ZPBP: variants seen among roughly 807,000 people sequenced by gnomAD.
ZPBP encodes the protein zona pellucida-binding protein 1.
In ZPBP, 26 loss-of-function variants were observed where a neutral mutation model predicts 44.8. The observed-to-expected ratio is 0.58, with a 90% CI of 0.43 to 0.81. The LOEUF (loss-of-function observed/expected upper bound fraction) is 0.81. Among genes scored for constraint, ZPBP ranks in the 30% least tolerant of loss-of-function variants. The pLI is 0.00. For synonymous variants in ZPBP, 174 were observed against 153.2 expected, an observed-to-expected ratio of 1.14 and a Z score of -1.00; for missense variants, 409 against 434.0, an observed-to-expected ratio of 0.94 and a Z score of 0.51.
chr7:49,994,436 T>G (rs1378995433), intron 6 of ZPBP, among the ~76,000 whole-genome samples: 2 of 152,190 alleles, frequency 1.3e-5, no homozygotes, highest in African/African-American at 2.4e-5. Context: ...TTACTTGTGC[T>G]TCAAGGTCTG....
chr7:49,914,013 G>A (rs1237531101), intron 1 of ZPBP: 1 of 152,160 alleles, frequency 6.6e-6, no homozygotes, highest in African/African-American at 2.4e-5. Flanking sequence ...TTAGCTAATT[G>A]TTCTCAGGTG....
At chr7:49,988,097 T>A (rs1797396675) in intron 6 of ZPBP, among the ~76,000 whole-genome samples, 2 of 152,214 alleles carry the variant, frequency 1.3e-5, no homozygotes, top group Admixed American at 1.3e-4. Context: ...TATATGGTTT[T>A]TCTGTAAATT....
In ZPBP at chr7:50,031,195, C is replaced by A. The variant is rs368068090; in HGVS notation, c.603G>T (p.Leu201=). ...EKKLLQILSK[L]LLDLSCEISL... ...AAATTTCACATGAAAGGTCAAGAAG[C>A]AGTTTGCTTAAAATCTGAAGAAGTT... The change falls in exon 5 of 8, where the codon CTG becomes CTT. Residue 201 remains leucine, a synonymous_variant. Transcript: ENST00000046087. 2 of 1,613,622 alleles carry A rather than the reference C, an allele frequency of 1.2e-6. No individual in the cohort carries two copies. The highest frequency in any genetic ancestry group is 1.7e-6 in the Non-Finnish European group (2 of 1,179,810).
At chr7:49,932,695 G>A (rs1794487459), downstream of ZPBP, among the ~76,000 whole-genome samples, 1 of 152,170 alleles carries the variant, frequency 6.6e-6, no homozygotes, top group Non-Finnish European at 1.5e-5. Flanking sequence ...GTGAGGACAT[G>A]AGATTTGGGA....
intron 4 of ZPBP, among the ~76,000 whole-genome samples, chr7:50,051,432 A>T (rs1454116417): frequency 6.6e-6 from 1 of 152,118 alleles, no homozygotes; most frequent in East Asian, 1.9e-4. Context: ...CCCATTACTG[A>T]GTATATACCG....
At chr7:49,879,578 C>T (rs909497792) in intron 2 of ZPBP, among the ~76,000 whole-genome samples, 11 of 152,128 alleles carry the variant, frequency 7.2e-5, no homozygotes, top group South Asian at 6.2e-4. Flanking sequence ...AGTTCCAGAA[C>T]GCAGCACTTC....
chr7:49,935,519 C>G (rs551810606), downstream of ZPBP, among the ~76,000 whole-genome samples: 3 of 152,266 alleles, frequency 2.0e-5, no homozygotes, highest in South Asian at 6.2e-4. Context: ...CTGCCTCAGC[C>G]TCCTGAGTAG....
intron 7 of ZPBP, among the ~76,000 whole-genome samples, chr7:49,953,636 A>C (rs996961576): frequency 1.3e-5 from 2 of 152,152 alleles, no homozygotes; most frequent in East Asian, 1.9e-4. Flanking sequence ...GAACATCAAA[A>C]TATCCAGCAC....
chr7:49,904,253 C>T lies in ZPBP; in HGVS notation n.412-3038G>A, dbSNP rs191468039. The stretch of plus-strand genomic sequence containing the variant: ...CTTTTCATTAAAAGAAAAGCTTTAC[C>T]GAGGACTCCCATACCCTCACTATCT... On this transcript the variant is annotated intron_variant and non_coding_transcript_variant, in intron 1 of 2. Coordinates refer to the ZPBP transcript ENST00000465922. 2.7e-3 allele frequency among the ~76,000 whole-genome samples: 407 copies of T among 152,182 alleles called. 2 individuals carry two copies. The highest frequency in any genetic ancestry group is 9.1e-3 in the African/African-American group (377 of 41,512).
chr7:49,974,106 G>A (rs751718627), intron 7 of ZPBP, among the ~76,000 whole-genome samples: 17 of 152,090 alleles, frequency 1.1e-4, no homozygotes, highest in African/African-American at 3.6e-4. Context: ...CATAGAGACC[G>A]AAAATAGAAT....
chr7:49,869,228 A>G (rs1791033966), intron 2 of ZPBP, among the ~76,000 whole-genome samples: 1 of 152,214 alleles, frequency 6.6e-6, no homozygotes, highest in South Asian at 2.1e-4. Flanking sequence ...ATTGACTATA[A>G]TTCCATGAGA....
chr7:49,967,954 G>A (rs1022993594), intron 7 of ZPBP, among the ~76,000 whole-genome samples: 4 of 152,078 alleles, frequency 2.6e-5, no homozygotes, highest in African/African-American at 9.7e-5. Context: ...CCTGAAAAAT[G>A]TATGTTCAAA....
chr7:50,045,000 C>G (rs1800276483), intron 4 of ZPBP, among the ~76,000 whole-genome samples: 1 of 152,192 alleles, frequency 6.6e-6, no homozygotes. Context: ...TCAACATACT[C>G]AAATCAATAA....
At chr7:50,036,573 C>T (rs1454729737) in intron 4 of ZPBP, among the ~76,000 whole-genome samples, 1 of 151,956 alleles carries the variant, frequency 6.6e-6, no homozygotes, top group African/African-American at 2.4e-5. Flanking sequence ...ACACACATAT[C>T]AAAATAAAAA....
At chr7:50,076,492 TATG>T (rs997357650) in intron 3 of ZPBP, among the ~76,000 whole-genome samples, 1 of 151,924 alleles carries the variant, frequency 6.6e-6, no homozygotes, top group African/African-American at 2.4e-5. Context: ...TTGCTGGTGA[TATG>T]ATCTTATATT....
At chr7:49,928,165 T>C (rs1391356017) in intron 1 of ZPBP, among the ~76,000 whole-genome samples, 2 of 152,296 alleles carry the variant, frequency 1.3e-5, no homozygotes, top group East Asian at 3.9e-4. Context: ...ATGACCCTAT[T>C]GGCAAGGAAG....
Position 49,875,482 on chromosome 7 carries a change from T to G in ZPBP, n.510-24968A>C, listed in dbSNP as rs13245999. Among the ~76,000 whole-genome samples the G allele has an allele frequency of 1.4e-3, 215 of 150,844 alleles. 2 individuals carry two copies. The highest frequency in any genetic ancestry group is 2.3e-3 in the East Asian group (12 of 5,162). ...AGGTCAGTTCACTCACAATGTGGAG[T>G]CTCTGTGCTGAGCTGGGGAAGCTGG... On this transcript the variant is annotated intron_variant and non_coding_transcript_variant, in intron 2 of 2. Coordinates refer to the ZPBP transcript ENST00000465922.
At chr7:49,912,219 A>G in intron 1 of ZPBP, 1 of 1,611,956 alleles carries the variant, frequency 6.2e-7, no homozygotes, top group Non-Finnish European at 8.5e-7. Context: ...GACTTTTTCT[A>G]GAACATTTTA....
At chr7:49,911,123 G>T (rs917210483) in intron 1 of ZPBP, among the ~76,000 whole-genome samples, 3 of 152,076 alleles carry the variant, frequency 2.0e-5, no homozygotes, top group Admixed American at 2.0e-4. Context: ...TTAATTAAAC[G>T]AAATGGCTGC....
Sources: gnomAD v4.1 joint callset for allele counts (sites outside exome capture counted in the v4.1 genomes callset) on GRCh38, gnomAD v4.1.1 for gene constraint, MANE v1.5 for transcripts, NCBI Gene and HGNC (gene_info 2026-07-23, HGNC 2026-07-21) for gene names.